Variants in DTNB observed in about 807,000 individuals in gnomAD.
DTNB encodes dystrobrevin beta, also known as DTN-B.
In DTNB, 63 loss-of-function variants were observed where a neutral mutation model predicts 90.7. The observed-to-expected ratio is 0.69, with a 90% CI of 0.57 to 0.86. The LOEUF is 0.86. Ranked by LOEUF, DTNB falls within the 40% of genes least tolerant of loss-of-function variation. The pLI, the probability that DTNB is intolerant of heterozygous loss-of-function variation, is 0.00. For synonymous variants in DTNB, 277 were observed against 286.7 expected (o/e 0.97, Z 0.34); for missense variants, 744 against 807.1 (o/e 0.92, Z 0.95).
chr2:25,503,053 C>CAAAAAAAAAAAAA (rs58871909), intron 9 of DTNB, among the ~76,000 whole-genome samples: 2 of 15,358 alleles, frequency 1.3e-4, no homozygotes, highest in African/African-American at 1.8e-4. Flanking sequence ...GACCCTATCT[C>CAAAAAAAAAAAAA]AAAAAAAAAA....
chr2:25,388,162 T>A, intron 17 of DTNB, 40 bp downstream of exon 17: 1 of 1,544,758 alleles, frequency 6.5e-7, no homozygotes, highest in Non-Finnish European at 8.7e-7. Flanking sequence ...TGTTTGCACA[T>A]CCCTTCAGCT....
intron 11 of DTNB, among the ~76,000 whole-genome samples, chr2:25,454,194 A>T (rs2059674314): frequency 1.3e-5 from 2 of 152,076 alleles, no homozygotes; most frequent in African/African-American, 4.8e-5. Flanking sequence ...TCCAAGCTTT[A>T]GAGATACATA....
chr2:25,437,006 T>C (rs977984972), intron 12 of DTNB, among the ~76,000 whole-genome samples: 2 of 152,142 alleles, frequency 1.3e-5, no homozygotes, highest in Admixed American at 6.5e-5. Context: ...GAGGTTAATA[T>C]AGGAATCAAG....
chr2:25,473,557 G>C (rs905536543), intron 10 of DTNB, among the ~76,000 whole-genome samples: 5 of 152,158 alleles, frequency 3.3e-5, no homozygotes, highest in African/African-American at 1.2e-4. Context: ...GTATGTGTGG[G>C]GGCTGCTAGA....
chr2:25,632,449 A>C, intron 3 of DTNB, among the ~76,000 whole-genome samples: 1 of 152,178 alleles, frequency 6.6e-6, no homozygotes, highest in East Asian at 1.9e-4. Flanking sequence ...TGATGTTGAA[A>C]TGTAATCTAA....
intron 8 of DTNB, among the ~76,000 whole-genome samples, chr2:25,559,054 T>C (rs978753098): frequency 2.0e-5 from 3 of 152,112 alleles, no homozygotes; most frequent in Non-Finnish European, 2.9e-5. Flanking sequence ...AACTAACACA[T>C]TGCCACAGTG....
At chr2:25,433,074 T>G (rs2054498963) in intron 13 of DTNB, 75 bp from the exon 14 acceptor site, 3 of 1,417,300 alleles carry the variant, frequency 2.1e-6, no homozygotes, top group Non-Finnish European at 2.8e-6. Context: ...TATTACAACT[T>G]TTCAACTCTA....
intron 1 of DTNB, among the ~76,000 whole-genome samples, chr2:25,673,105 GC>G (rs1156383294): frequency 6.6e-6 from 1 of 151,674 alleles, no homozygotes. Flanking sequence ...TCGCGCCCGT[GC>G]CCCGGCGCGT....
At chr2:25,625,589 G>A (rs570314761) in intron 4 of DTNB, among the ~76,000 whole-genome samples, 7 of 119,688 alleles carry the variant, frequency 5.8e-5, no homozygotes, top group Admixed American at 1.9e-4. Flanking sequence ...AGTTATTTTC[G>A]GTGTGTGTTT....
At chr2:25,605,963 T>C (rs1231621789) in intron 5 of DTNB, among the ~76,000 whole-genome samples, 2 of 152,166 alleles carry the variant, frequency 1.3e-5, no homozygotes, top group Non-Finnish European at 2.9e-5. Context: ...ATGTTCTATA[T>C]TGCAGCTAAC....
chr2:25,517,099 C>A (rs2075274255), intron 9 of DTNB, among the ~76,000 whole-genome samples: 1 of 152,130 alleles, frequency 6.6e-6, no homozygotes, highest in African/African-American at 2.4e-5. Flanking sequence ...TCTATTCATG[C>A]AAAGGATATT....
chr2:25,597,662 C>T (rs1344279053), intron 5 of DTNB, among the ~76,000 whole-genome samples: 1 of 152,094 alleles, frequency 6.6e-6, no homozygotes. Context: ...GTATTAAATA[C>T]CCATATGGGG....
At chr2:25,592,334 T>C (rs1484838823) in intron 6 of DTNB, among the ~76,000 whole-genome samples, 1 of 152,140 alleles carries the variant, frequency 6.6e-6, no homozygotes, top group South Asian at 2.1e-4. Context: ...ATTTAATTGC[T>C]AGGTCATGAG....
chr2:25,473,389 A>G (rs377122101), intron 10 of DTNB, among the ~76,000 whole-genome samples: 15 of 152,174 alleles, frequency 9.9e-5, no homozygotes, highest in African/African-American at 3.4e-4. Flanking sequence ...AGCAACTACA[A>G]TGAGTCAGCT....
rs190429954 is a variant in DTNB, at chr2:25,550,340, G to T, written c.877-18743C>A. On this transcript the variant is annotated intron_variant, in intron 8 of 20. Transcript: ENST00000406818. ...CGGGAGGCGGAGCTTGCAGTGAGCC[G>T]AGATCGCGCCACTGCACTCCAGCCT... 5.4e-3 allele frequency among the ~76,000 whole-genome samples: 825 copies of T among 152,132 alleles called. 8 individuals carry two copies. The highest frequency in any genetic ancestry group is 0.019 in the African/African-American group (786 of 41,524).
intron 3 of DTNB, among the ~76,000 whole-genome samples, chr2:25,629,937 A>G (rs563885028): frequency 3.9e-4 from 60 of 152,344 alleles, no homozygotes; most frequent in African/African-American, 1.4e-3. Context: ...TACTATCAAG[A>G]AAGTGAAAAG....
intron 9 of DTNB, among the ~76,000 whole-genome samples, chr2:25,522,992 C>T (rs2076423206): frequency 1.3e-5 from 2 of 152,184 alleles, no homozygotes; most frequent in Non-Finnish European, 2.9e-5. Context: ...TGAGCCACCG[C>T]ACCAGGCCTG....
At chr2:25,438,442 A>G (rs2056547437) in intron 12 of DTNB, among the ~76,000 whole-genome samples, 1 of 152,246 alleles carries the variant, frequency 6.6e-6, no homozygotes, top group African/African-American at 2.4e-5. Flanking sequence ...GGTCTAGACC[A>G]TACAGGGCCT....
chr2:25,397,899 AAAG>A (rs1175797762), intron 16 of DTNB, among the ~76,000 whole-genome samples: 5 of 151,388 alleles, frequency 3.3e-5, no homozygotes, highest in Non-Finnish European at 7.4e-5. Context: ...AAAAAAAAAA[AAAG>A]AATGACCTCT....
Sources: gnomAD v4.1 joint callset for allele counts (sites outside exome capture counted in the v4.1 genomes callset) on GRCh38, gnomAD v4.1.1 for gene constraint, MANE v1.5 for transcripts, NCBI Gene and HGNC (gene_info 2026-07-23, HGNC 2026-07-21) for gene names.